WDR27: variants seen among roughly 807,000 people sequenced by gnomAD.
WDR27 encodes the protein WD repeat domain 27.
WDR27 carries 100 observed loss-of-function variants against 114.4 expected under a neutral mutation model. The observed-to-expected ratio is 0.87, with a 90% CI of 0.74 to 1.03. The LOEUF (loss-of-function observed/expected upper bound fraction) is 1.03. Among genes scored for constraint, WDR27 ranks in the 50% least tolerant of loss-of-function variants. The pLI is 0.00. For synonymous variants in WDR27, 449 were observed against 423.1 expected (o/e 1.06, Z -0.75); for missense variants, 1,129 against 1,092.9 (o/e 1.03, Z -0.47).
At chr6:169,675,624 C>T (rs561981066) in intron 2 of WDR27, among the ~76,000 whole-genome samples, 26 of 152,144 alleles carry the variant, frequency 1.7e-4, no homozygotes, top group African/African-American at 3.1e-4. Context: ...TTCAGAAAGG[C>T]GGGACAACTC....
At chr6:169,663,819 G>A (rs1585012282) in intron 8 of WDR27, 1 of 263,036 alleles carries the variant, frequency 3.8e-6, no homozygotes, top group Non-Finnish European at 7.2e-6. Context: ...GGTGCAGGTG[G>A]CATCTGAGTC....
chr6:169,450,937 T>C, the WDR27 span, among the ~76,000 whole-genome samples: 1 of 152,142 alleles, frequency 6.6e-6, no homozygotes, highest in African/African-American at 2.4e-5. Flanking sequence ...ATATTAGGTA[T>C]GAAAGGAAAA....
At chr6:169,635,463 G>T (rs1817458655) in intron 19 of WDR27, among the ~76,000 whole-genome samples, 1 of 152,184 alleles carries the variant, frequency 6.6e-6, no homozygotes. Flanking sequence ...GGGGCCGCTG[G>T]GTCCTGGAGC....
At chr6:169,440,226 C>A in the WDR27 span, among the ~76,000 whole-genome samples, 2 of 151,998 alleles carry the variant, frequency 1.3e-5, no homozygotes, top group African/African-American at 4.8e-5. Context: ...TAGACTGTAA[C>A]CCTATGCATT....
At chr6:169,455,591 TG>T (rs1241014987), downstream of WDR27, among the ~76,000 whole-genome samples, 5 of 152,296 alleles carry the variant, frequency 3.3e-5, no homozygotes, top group East Asian at 9.7e-4. Flanking sequence ...CTCCTCTGAG[TG>T]GTGTGGGGAG....
intron 1 of WDR27, among the ~76,000 whole-genome samples, chr6:169,697,821 T>C (rs1786619343): frequency 6.6e-6 from 1 of 152,136 alleles, no homozygotes; most frequent in Non-Finnish European, 1.5e-5. Flanking sequence ...TAAATATCAG[T>C]GCAGCCTGGC....
intron 25 of WDR27, among the ~76,000 whole-genome samples, chr6:169,569,827 A>T (rs534223299): frequency 4.3e-4 from 65 of 152,314 alleles, no homozygotes; most frequent in Non-Finnish European, 7.6e-4. Flanking sequence ...TCTAGCCACT[A>T]AAATCTTTTC....
rs918934901 is a variant in WDR27 at position 169,701,961 on chromosome 6, G to A, written c.-418C>T. 4 of 390,190 alleles carry A rather than the reference G, an allele frequency of 1.0e-5. No homozygotes were observed. The highest frequency in any genetic ancestry group is 1.8e-5 in the South Asian group (1 of 54,138). 24.2% of individuals were successfully genotyped at this position (390,190 alleles called of 1,614,324 possible). On this transcript the variant is annotated 5_prime_UTR_variant, in exon 1 of 26. Transcript: ENST00000448612. Reference sequence around the variant, plus strand: ...CCAGGAGGGCACGCAGAGGACTACCGAGCCACACTCCGCCCCACGCTCGCC... The same window carrying A: ...CCAGGAGGGCACGCAGAGGACTACCAAGCCACACTCCGCCCCACGCTCGCC...
chr6:169,630,853 C>T (rs1417305459), intron 21 of WDR27, among the ~76,000 whole-genome samples: 5 of 152,084 alleles, frequency 3.3e-5, no homozygotes, highest in Admixed American at 2.6e-4. Flanking sequence ...GAGATCATGG[C>T]ACTGCACTCC....
intron 1 of WDR27, among the ~76,000 whole-genome samples, chr6:169,699,840 G>A (rs1013824505): frequency 2.6e-5 from 4 of 152,090 alleles, no homozygotes; most frequent in Non-Finnish European, 5.9e-5. Flanking sequence ...AAAGTAGTCA[G>A]GTGTGGCAGT....
rs755452085 is a variant in WDR27, at chr6:169,659,514, G to A, written c.1134C>T (p.Phe378=). 1.2e-6 allele frequency: 2 copies of A among 1,608,700 alleles called. No individual in the cohort carries two copies. The highest frequency in any genetic ancestry group is 8.5e-7 in the Non-Finnish European group (1 of 1,177,700). Residue 378 remains phenylalanine (F), a synonymous_variant, in exon 11 of 26, where the codon TTC becomes TTT. Coordinates refer to ENST00000448612, the MANE Select transcript of WDR27 (RefSeq NM_182552.5). The surrounding 1 kb of genome is among the most constrained non-coding windows in gnomAD (Gnocchi z 4.3). ...CGGCCAGCAGGATGCTGAGGCTCTG[G>A]AAATCTTCAGTTGAGCGAAGACCAG... ...EVEAALYYKD[F]QSLSILLAGS...
chr6:169,663,948 T>G (rs1827068987), intron 8 of WDR27, among the ~76,000 whole-genome samples: 1 of 152,182 alleles, frequency 6.6e-6, no homozygotes, highest in Non-Finnish European at 1.5e-5. Context: ...CACCAAAGCC[T>G]CTCACCCCCG....
intron 25 of WDR27, among the ~76,000 whole-genome samples, chr6:169,462,987 A>G (rs1785102292): frequency 6.6e-6 from 1 of 152,234 alleles, no homozygotes; most frequent in African/African-American, 2.4e-5. Flanking sequence ...AGCTGTATAT[A>G]TTACTTCATT....
intron 24 of WDR27, among the ~76,000 whole-genome samples, chr6:169,581,459 T>C (rs558245682): frequency 4.1e-4 from 63 of 152,290 alleles, no homozygotes; most frequent in Middle Eastern, 3.4e-3. Flanking sequence ...GTTTTACAAA[T>C]GTGGAATAGG....
At chr6:169,691,623 T>A (rs950037155) in intron 1 of WDR27, among the ~76,000 whole-genome samples, 1 of 152,246 alleles carries the variant, frequency 6.6e-6, no homozygotes, top group Non-Finnish European at 1.5e-5. Context: ...AAATTGTGAT[T>A]GAGTTCCATC....
chr6:169,582,166 C>T (rs1441031147), intron 24 of WDR27, among the ~76,000 whole-genome samples: 2 of 151,992 alleles, frequency 1.3e-5, no homozygotes, highest in African/African-American at 2.4e-5. Flanking sequence ...GTAGAGATGG[C>T]GTTTCGCCAT....
At chr6:169,575,395 T>A (rs1038925444) in intron 24 of WDR27, among the ~76,000 whole-genome samples, 1 of 86,608 alleles carries the variant, frequency 1.2e-5, no homozygotes, top group Non-Finnish European at 3.2e-5. Flanking sequence ...CCTCTCTCCA[T>A]CCATCCATCC....
chr6:169,664,588 G>T (rs1330181509), intron 7 of WDR27: 9 of 1,250,314 alleles, frequency 7.2e-6, no homozygotes, highest in Non-Finnish European at 9.1e-6. Flanking sequence ...CAGGCTCTCT[G>T]CACACACCCC....
intron 25 of WDR27, among the ~76,000 whole-genome samples, chr6:169,513,165 G>A (rs1022195881): frequency 6.6e-6 from 1 of 152,086 alleles, no homozygotes; most frequent in African/African-American, 2.4e-5. Context: ...GGTTGGGGGC[G>A]GGCTCAGCAG....
Sources: allele counts gnomAD v4.1 joint callset (sites outside exome capture counted in the v4.1 genomes callset), GRCh38; gene constraint gnomAD v4.1.1; non-coding constraint Gnocchi (gnomAD v3.1); transcripts MANE v1.5; gene names NCBI Gene and HGNC (gene_info 2026-07-23, HGNC 2026-07-21).